The following EIF2AK2 variants were observed in gnomAD, a reference collection of about 807,000 sequenced individuals.
The protein encoded by EIF2AK2 is eukaryotic translation initiation factor 2 alpha kinase 2.
A neutral mutation model predicts 70.5 loss-of-function variants in EIF2AK2; 40 were observed. The ratio of observed to expected loss-of-function variants is 0.57; its 90% CI spans 0.44 to 0.74. The LOEUF (loss-of-function observed/expected upper bound fraction) is 0.74. EIF2AK2 is among the 30% of genes least tolerant of loss of function. The probability of loss-of-function intolerance (pLI) is 0.00; values close to 1 mark genes in which losing one functional copy is unlikely to be tolerated. For synonymous variants in EIF2AK2, 198 were observed against 220.9 expected (o/e 0.90, Z 0.92); for missense variants, 555 against 644.3 (o/e 0.86, Z 1.50).
chr2:37,136,802 T>G, intron 9 of EIF2AK2, 181 bp downstream of exon 9: 2 of 513,622 alleles, frequency 3.9e-6, no homozygotes, highest in African/African-American at 2.0e-5. Flanking sequence ...CAGTGTAGCA[T>G]GTGCACATAG....
intron 4 of EIF2AK2, among the ~76,000 whole-genome samples, chr2:37,143,676 G>A (rs1428851335): frequency 6.6e-6 from 1 of 152,056 alleles, no homozygotes; most frequent in Non-Finnish European, 1.5e-5. Context: ...TTGAGTCCAG[G>A]AGTTCAAGAC....
At chr2:37,149,365 A>C in intron 1 of EIF2AK2, 1 of 603,454 alleles carries the variant, frequency 1.7e-6, no homozygotes, top group Non-Finnish European at 2.9e-6. Flanking sequence ...GGTTACTCTA[A>C]GATACATTTT....
intron 14 of EIF2AK2, among the ~76,000 whole-genome samples, chr2:37,112,851 C>G (rs969147245): frequency 2.0e-5 from 3 of 152,132 alleles, no homozygotes; most frequent in African/African-American, 7.2e-5. Flanking sequence ...ACCATCACCA[C>G]TATCTATTTC....
intron 14 of EIF2AK2, 132 bp downstream of exon 14, chr2:37,114,599 T>C (rs1448720730): frequency 1.5e-6 from 1 of 664,408 alleles, no homozygotes; most frequent in African/African-American, 1.9e-5. Context: ...AGAATAGGGG[T>C]AGAAAAGAAT....
In EIF2AK2 at chr2:37,109,281, G is replaced by C; in HGVS notation, c.1392C>G (p.Asp464Glu). The C allele has an allele frequency of 6.2e-7, 1 of 1,613,924 alleles. No homozygotes were observed. Among genetic ancestry groups the C allele is most frequent in the Non-Finnish European group, 8.5e-7 (1 of 1,179,908 alleles). Residue 464 changes from aspartate (D) to glutamate (E), a missense_variant, in exon 15 of 17, where the codon GAC becomes GAG. Transcript: ENST00000233057. ...CGTAGAGGTCCACTTCCTTTCCATA[G>C]TCTTGCGAAGAAATCTAAAGAGACC... ...YMSPEQISSQ[D>E]YGKEVDLYAL...
At chr2:37,120,368 G>A (rs973215892) in intron 12 of EIF2AK2, among the ~76,000 whole-genome samples, 4 of 151,432 alleles carry the variant, frequency 2.6e-5, no homozygotes, top group Non-Finnish European at 5.9e-5. Context: ...AGCCAGGCGT[G>A]GTGGCGGGCG....
chr2:37,152,139 A>T (rs1418847119), intron 1 of EIF2AK2, among the ~76,000 whole-genome samples: 1 of 152,272 alleles, frequency 6.6e-6, no homozygotes, highest in Non-Finnish European at 1.5e-5. Flanking sequence ...AAATCCAGAC[A>T]TAAAATTTCA....
intron 4 of EIF2AK2, among the ~76,000 whole-genome samples, chr2:37,145,767 TTTTTTTTTTTTTTTG>T (rs1675515232): frequency 9.1e-6 from 1 of 110,276 alleles, no homozygotes; most frequent in African/African-American, 3.5e-5. Flanking sequence ...TTTTTTTTTT[TTTTTTTTTTTTTTTG>T]AGATAGGATC....
chr2:37,112,045 TCTC>T (rs1441648564), intron 14 of EIF2AK2, among the ~76,000 whole-genome samples: 1 of 151,160 alleles, frequency 6.6e-6, no homozygotes, highest in Admixed American at 6.6e-5. Context: ...GGATTACTCT[TCTC>T]CACCCTCATT....
chr2:37,128,482 A>G (rs531774134), intron 10 of EIF2AK2, among the ~76,000 whole-genome samples: 40 of 152,242 alleles, frequency 2.6e-4, no homozygotes, highest in Non-Finnish European at 4.9e-4. Context: ...TACAATTACC[A>G]CATTCCATTT....
chr2:37,118,305 C>A (rs1430385095), intron 13 of EIF2AK2, among the ~76,000 whole-genome samples: 6 of 151,922 alleles, frequency 3.9e-5, no homozygotes, highest in African/African-American at 1.4e-4. Context: ...AAGAGCAAGA[C>A]CTTGTCTCAA....
Position 37,100,137 on chromosome 2 carries a change from A to T in EIF2AK2, c.*7136T>A, listed in dbSNP as rs111469570. 8.3e-5 allele frequency: 12 copies of T among 143,902 alleles called. No homozygotes were observed. Among genetic ancestry groups the T allele is most frequent in the African/African-American group, 2.6e-4 (9 of 34,802 alleles). The allele number at this position is 143,902 out of a possible 1,614,324, so 8.9% of individuals were successfully genotyped here. A position where few individuals can be genotyped will look rare whatever the true frequency, so the allele number is the denominator to read the frequency against. On this transcript the variant is annotated 3_prime_UTR_variant, in exon 17 of 17. Coordinates refer to ENST00000233057, the MANE Select transcript of EIF2AK2 (RefSeq NM_001135651.3). ...ATTATATCTCAATAAAGCAGTTATT[A>T]AAAAAAAAATGAAGAGAATTTCAGA...
intron 1 of EIF2AK2, chr2:37,149,240 TCA>T: frequency 1.8e-6 from 2 of 1,089,996 alleles, no homozygotes; most frequent in Non-Finnish European, 2.8e-6. Context: ...TGACCGCAAG[TCA>T]CAAAGTATGA....
chr2:37,141,372 T>C (rs987190859), intron 5 of EIF2AK2, among the ~76,000 whole-genome samples, 181 bp downstream of exon 5: 4 of 152,236 alleles, frequency 2.6e-5, no homozygotes, highest in African/African-American at 7.2e-5. Context: ...ATGGGTTCCA[T>C]GGCTTCAGCA....
At chr2:37,127,400 C>A (rs182989006) in intron 10 of EIF2AK2, among the ~76,000 whole-genome samples, 146 of 152,302 alleles carry the variant, frequency 9.6e-4, no homozygotes, top group Non-Finnish European at 1.7e-3. Context: ...AACAGCCAAC[C>A]TTTGCATTCC....
intron 10 of EIF2AK2, among the ~76,000 whole-genome samples, chr2:37,128,922 C>T (rs184700750): frequency 6.6e-6 from 1 of 152,188 alleles, no homozygotes; most frequent in African/African-American, 2.4e-5. Flanking sequence ...AGAGAAATTA[C>T]ACAAGAGCAC....
In EIF2AK2 at chr2:37,148,730, G is replaced by A. The variant is rs920741630; in HGVS notation, c.-17+127C>T. 6 of 835,476 alleles carry A rather than the reference G, an allele frequency of 7.2e-6. No individual in the cohort carries two copies. In the East Asian group the frequency reaches 1.5e-4, roughly 21 times the overall value. 51.8% of individuals were successfully genotyped at this position (835,476 alleles called of 1,614,324 possible). A position where few individuals can be genotyped will look rare whatever the true frequency, so the allele number is the denominator to read the frequency against. The stretch of plus-strand genomic sequence containing the variant: ...CATAAAAATTTATATTGACAGATTT[G>A]AGGATTTACAGAAGTCGTGTTGTGA... On this transcript the variant is annotated intron_variant, in intron 2 of 16. Transcript: ENST00000233057.
At chr2:37,127,855 G>T (rs1331240388) in intron 10 of EIF2AK2, among the ~76,000 whole-genome samples, 1 of 151,218 alleles carries the variant, frequency 6.6e-6, no homozygotes, top group Non-Finnish European at 1.5e-5. Context: ...CGATTCTCCT[G>T]CCTCAGCCTC....
intron 1 of EIF2AK2, among the ~76,000 whole-genome samples, chr2:37,154,470 T>C (rs1157082413): frequency 6.6e-6 from 1 of 152,222 alleles, no homozygotes; most frequent in Non-Finnish European, 1.5e-5. Context: ...AGTCCTTCTC[T>C]ACTTGACTTA....
Sources: allele counts gnomAD v4.1 joint callset (sites outside exome capture counted in the v4.1 genomes callset), GRCh38; gene constraint gnomAD v4.1.1; transcripts MANE v1.5; gene names NCBI Gene and HGNC (gene_info 2026-07-23, HGNC 2026-07-21).